The following KIAA1217 variants were observed in gnomAD, a reference collection of about 807,000 sequenced individuals.
KIAA1217 encodes KIAA1217.
KIAA1217 carries 88 observed loss-of-function variants against 163.9 expected under a neutral mutation model. The observed-to-expected ratio is 0.54, with a 90% CI of 0.45 to 0.64. The LOEUF (loss-of-function observed/expected upper bound fraction) is 0.64. KIAA1217 is among the 30% of genes least tolerant of loss of function. The pLI, the probability that KIAA1217 is intolerant of heterozygous loss-of-function variation, is 0.00. For missense variants in KIAA1217, 2,372 were observed against 2,475.0 expected (o/e 0.96, Z 0.88); for synonymous variants, 903 against 923.1 (o/e 0.98, Z 0.39).
intron 2 of KIAA1217, chr10:24,157,759 G>C (rs2064943147): frequency 2.9e-6 from 1 of 341,500 alleles, no homozygotes. Flanking sequence ...ATTATACCAA[G>C]TGTTGGTGAT....
chr10:24,327,132 G>A (rs2045026502), intron 2 of KIAA1217, among the ~76,000 whole-genome samples: 1 of 152,220 alleles, frequency 6.6e-6, no homozygotes, highest in African/African-American at 2.4e-5. Context: ...GCTTGCTGCA[G>A]TCTTCTAAAT....
intron 5 of KIAA1217, among the ~76,000 whole-genome samples, chr10:24,442,900 A>G (rs944443694): frequency 6.9e-6 from 1 of 145,124 alleles, no homozygotes; most frequent in Non-Finnish European, 1.5e-5. Context: ...TTTATTAAGC[A>G]CTTTTGTGGG....
chr10:24,112,870 G>A (rs938699026), intron 2 of KIAA1217, among the ~76,000 whole-genome samples: 3 of 152,110 alleles, frequency 2.0e-5, no homozygotes, highest in Non-Finnish European at 4.4e-5. Flanking sequence ...ACAGGCGTGA[G>A]CCACCACGCC....
intron 5 of KIAA1217, among the ~76,000 whole-genome samples, chr10:24,442,541 G>C (rs1451217504): frequency 2.0e-5 from 3 of 151,940 alleles, no homozygotes; most frequent in African/African-American, 7.3e-5. Context: ...TCATTTCCGT[G>C]GTTTCCAATG....
chr10:23,885,862 C>T (rs1191263026), intron 1 of KIAA1217, among the ~76,000 whole-genome samples: 1 of 151,912 alleles, frequency 6.6e-6, no homozygotes, highest in African/African-American at 2.4e-5. Flanking sequence ...GCCTAGATAA[C>T]CCATGAACAC....
At chr10:24,544,528 A>C in intron 19 of KIAA1217, 47 bp downstream of exon 19, 1 of 1,547,260 alleles carries the variant, frequency 6.5e-7, no homozygotes, top group Non-Finnish European at 8.7e-7. Flanking sequence ...GCTTTCCTAA[A>C]TCTGCCATAA....
At chr10:24,106,992 C>T (rs113458036) in intron 2 of KIAA1217, among the ~76,000 whole-genome samples, 12 of 152,182 alleles carry the variant, frequency 7.9e-5, no homozygotes, top group African/African-American at 1.7e-4. Context: ...CAGGTAATGA[C>T]CATAGTACCC....
chr10:23,801,730 T>G (rs1836477207), intron 1 of KIAA1217, among the ~76,000 whole-genome samples: 1 of 151,932 alleles, frequency 6.6e-6, no homozygotes, highest in Admixed American at 6.5e-5. Flanking sequence ...TATTAAAGAT[T>G]AGGAACTCAA....
intron 1 of KIAA1217, among the ~76,000 whole-genome samples, chr10:23,909,555 G>A (rs1312779404): frequency 3.3e-5 from 5 of 151,882 alleles, no homozygotes; most frequent in Non-Finnish European, 5.9e-5. Flanking sequence ...AATGAAAGTC[G>A]TATAGAAAAG....
intron 2 of KIAA1217, chr10:24,255,706 C>G (rs2075081114): frequency 3.8e-6 from 1 of 265,264 alleles, no homozygotes; most frequent in African/African-American, 2.3e-5. Context: ...TCAGTTGTTC[C>G]CAGTCGCTTC....
rs780166360 is a variant in KIAA1217, at chr10:24,542,990, A to G, written c.3720A>G (p.Ile1240Met). The part of the protein sequence containing the change: ...SRTSEYKTEI[I>M]MKENSISNMS... ...CATCAGAATATAAAACTGAGATCAT[A>G]ATGAAGGAAAATTCCATATCCAATA... Residue 1240 changes from isoleucine to methionine, a missense_variant, in exon 19 of 21, where the codon ATA (isoleucine) becomes ATG (methionine). Transcript: ENST00000376454. The G allele has an allele frequency of 6.2e-7, 1 of 1,613,902 alleles. No individual in the cohort carries two copies. Among genetic ancestry groups the G allele is most frequent in the Non-Finnish European group, 8.5e-7 (1 of 1,179,780 alleles).
At chr10:24,083,250 C>T (rs1035545743) in intron 2 of KIAA1217, among the ~76,000 whole-genome samples, 3 of 152,274 alleles carry the variant, frequency 2.0e-5, no homozygotes, top group Admixed American at 2.0e-4. Flanking sequence ...TTGCTGCTGT[C>T]TTTTGTGCCA....
chr10:23,893,283 G>A (rs913787810), intron 1 of KIAA1217, among the ~76,000 whole-genome samples: 6 of 152,058 alleles, frequency 3.9e-5, no homozygotes, highest in African/African-American at 1.2e-4. Context: ...TTGCATAGAG[G>A]TGTTTGTAGT....
At position 24,533,205 on chromosome 10, in the gene KIAA1217, G is replaced by C; in HGVS notation, c.3382G>C (p.Glu1128Gln). Residue 1128 changes from glutamate (E) to glutamine (Q), a missense_variant, in exon 16 of 21, where the codon GAA becomes CAA. This residue lies in a region of KIAA1217 where 1,431 missense variants were observed against 1,470.3 expected (regional missense o/e 0.97). Transcript: ENST00000376454. ...CTCAAAGGATGAGGAGGAAGAAGAA[G>C]AAGAAGGAGACAAAATAATGGCAGA... is the stretch of plus-strand genomic sequence containing the variant. ...SSSKDEEEEEEEGDKIMAELQ... is the reference protein window; with the variant it reads ...SSSKDEEEEEQEGDKIMAELQ... 1 of 1,613,210 alleles carries C rather than the reference G, an allele frequency of 6.2e-7. No individual in the cohort carries two copies. Among genetic ancestry groups the C allele is most frequent in the Non-Finnish European group, 8.5e-7 (1 of 1,179,798 alleles).
intron 2 of KIAA1217, among the ~76,000 whole-genome samples, chr10:24,378,921 C>T (rs572930309): frequency 1.3e-5 from 2 of 152,284 alleles, no homozygotes; most frequent in African/African-American, 2.4e-5. Context: ...CCTACCACTA[C>T]GATGACCCTG....
At chr10:23,875,531 T>C (rs888116200) in intron 1 of KIAA1217, among the ~76,000 whole-genome samples, 2 of 151,956 alleles carry the variant, frequency 1.3e-5, no homozygotes, top group Admixed American at 6.6e-5. Context: ...ATATAAAGCA[T>C]GCTTTATGAG....
At chr10:23,743,880 G>A (rs546532414) in intron 1 of KIAA1217, among the ~76,000 whole-genome samples, 24 of 145,776 alleles carry the variant, frequency 1.6e-4, no homozygotes, top group Admixed American at 1.4e-3. Flanking sequence ...ATGTTTTTGC[G>A]TGTTGTTTTA....
At chr10:24,418,495 A>T (rs1158181993) in intron 3 of KIAA1217, among the ~76,000 whole-genome samples, 1 of 152,256 alleles carries the variant, frequency 6.6e-6, no homozygotes, top group Non-Finnish European at 1.5e-5. Flanking sequence ...TTTTAAATCT[A>T]CACGCAAATT....
intron 2 of KIAA1217, among the ~76,000 whole-genome samples, chr10:24,250,484 G>C (rs1159473419): frequency 1.3e-5 from 2 of 151,228 alleles, no homozygotes; most frequent in Admixed American, 1.3e-4. Flanking sequence ...CCAGGCTGGA[G>C]TGCAGTGGCG....
Sources: allele counts gnomAD v4.1 joint callset (sites outside exome capture counted in the v4.1 genomes callset), GRCh38; gene constraint gnomAD v4.1.1; regional missense constraint gnomAD v4.1.1; transcripts MANE v1.5; gene names NCBI Gene and HGNC (gene_info 2026-07-23, HGNC 2026-07-21).